Variants in GARNL3 observed in about 807,000 individuals in gnomAD.
GARNL3 encodes the protein GTPase-activating Rap/Ran-GAP domain-like protein 3.
GARNL3 carries 63 observed loss-of-function variants against 125.0 expected under a neutral mutation model. The observed-to-expected ratio is 0.50, with a 90% CI of 0.41 to 0.62. GARNL3 has a LOEUF of 0.62. GARNL3 is among the 20% of genes least tolerant of loss of function. The pLI is 0.00. For synonymous variants in GARNL3, 439 were observed against 457.5 expected, an observed-to-expected ratio of 0.96 and a Z score of 0.52; for missense variants, 994 against 1,244.0, an observed-to-expected ratio of 0.80 and a Z score of 3.02.
chr9:127,345,625 G>C, intron 16 of GARNL3, 148 bp downstream of exon 16: 1 of 534,888 alleles, frequency 1.9e-6, no homozygotes, highest in Non-Finnish European at 3.3e-6. Context: ...ATAAAACTGA[G>C]TGGCCATTTA....
chr9:127,376,379 C>T (rs950110405), intron 22 of GARNL3, among the ~76,000 whole-genome samples: 5 of 151,996 alleles, frequency 3.3e-5, no homozygotes, highest in African/African-American at 7.2e-5. Context: ...CCACCTTGCC[C>T]GGCTAATTTT....
chr9:127,310,781 A>G (rs1226092638), intron 2 of GARNL3, among the ~76,000 whole-genome samples: 1 of 151,800 alleles, frequency 6.6e-6, no homozygotes, highest in East Asian at 1.9e-4. Flanking sequence ...CTCAAAAAAA[A>G]AAAAAAAAAA....
At chr9:127,316,363 G>A (rs1040872806) in intron 4 of GARNL3, among the ~76,000 whole-genome samples, 1 of 152,030 alleles carries the variant, frequency 6.6e-6, no homozygotes, top group East Asian at 1.9e-4. Flanking sequence ...GCAACATAGT[G>A]AGACCCTGCC....
At chr9:127,313,030 C>T (rs2065137436) in intron 3 of GARNL3, among the ~76,000 whole-genome samples, 1 of 152,154 alleles carries the variant, frequency 6.6e-6, no homozygotes, top group Non-Finnish European at 1.5e-5. Flanking sequence ...AGGCCTTTTC[C>T]GTTTTTCTGC....
At chr9:127,232,255 T>C (rs562817022) in intron 1 of GARNL3, among the ~76,000 whole-genome samples, 16 of 152,300 alleles carry the variant, frequency 1.1e-4, no homozygotes, top group Admixed American at 9.1e-4. Flanking sequence ...GTAATCACCA[T>C]TGAACCCTTC....
intron 3 of GARNL3, 112 bp from the exon 4 acceptor site, chr9:127,313,329 T>A (rs2065145078): frequency 2.6e-6 from 2 of 780,848 alleles, no homozygotes; most frequent in African/African-American, 3.4e-5. Context: ...GGCTTTGGGA[T>A]TATTGTTCCC....
chr9:127,299,126 C>A (rs917123505), intron 2 of GARNL3, among the ~76,000 whole-genome samples: 1 of 152,090 alleles, frequency 6.6e-6, no homozygotes, highest in South Asian at 2.1e-4. Context: ...ACCATCCTGG[C>A]TAACATGGTG....
chr9:127,379,612 T>A (rs1007984972), intron 22 of GARNL3, among the ~76,000 whole-genome samples: 1 of 152,054 alleles, frequency 6.6e-6, no homozygotes, highest in Non-Finnish European at 1.5e-5. Context: ...GAATAATGAG[T>A]TCTTGATTGT....
chr9:127,323,751 AC>A (rs10708036), intron 6 of GARNL3, among the ~76,000 whole-genome samples: 81,479 of 151,442 alleles, frequency 0.54, 23,232 homozygotes, highest in East Asian at 0.78. Context: ...ATTAAACTGC[AC>A]CCCCCCATAA....
chr9:127,348,891 C>A, intron 16 of GARNL3, 33 bp from the exon 17 acceptor site: 1 of 1,436,390 alleles, frequency 7.0e-7, no homozygotes, highest in Non-Finnish European at 9.7e-7. Flanking sequence ...TTTTCTGGTG[C>A]ACTTATCTTC....
At chr9:127,346,547 T>C (rs372059912) in intron 16 of GARNL3, among the ~76,000 whole-genome samples, 1 of 152,224 alleles carries the variant, frequency 6.6e-6, no homozygotes, top group African/African-American at 2.4e-5. Context: ...ACGTTATAGA[T>C]ACCAGATTCC....
At chr9:127,226,427 C>T (rs1267662785) in intron 1 of GARNL3, among the ~76,000 whole-genome samples, 1 of 152,190 alleles carries the variant, frequency 6.6e-6, no homozygotes, top group Non-Finnish European at 1.5e-5. Context: ...ATAAGCATCG[C>T]GGGGGCAGAG....
At chr9:127,296,953 G>A (rs2064617193) in intron 2 of GARNL3, among the ~76,000 whole-genome samples, 1 of 151,988 alleles carries the variant, frequency 6.6e-6, no homozygotes, top group Non-Finnish European at 1.5e-5. Context: ...CCCCTCCTTA[G>A]AACAAAAGAT....
intron 22 of GARNL3, among the ~76,000 whole-genome samples, chr9:127,374,229 A>T (rs1831764631): frequency 6.6e-6 from 1 of 152,158 alleles, no homozygotes; most frequent in Non-Finnish European, 1.5e-5. Flanking sequence ...TGAACCCAGG[A>T]GGCGGAGGCT....
At chr9:127,353,566 G>T in intron 17 of GARNL3, 1 of 275,146 alleles carries the variant, frequency 3.6e-6, no homozygotes, top group Non-Finnish European at 6.8e-6. Flanking sequence ...CTTTTTCTTT[G>T]ATGAACAAAA....
At chr9:127,371,005 C>T (rs892449485) in intron 22 of GARNL3, among the ~76,000 whole-genome samples, 23 of 152,328 alleles carry the variant, frequency 1.5e-4, no homozygotes, top group African/African-American at 4.8e-4. Flanking sequence ...GATCTTTCCT[C>T]CTCACATGTG....
intron 2 of GARNL3, among the ~76,000 whole-genome samples, chr9:127,295,617 A>G (rs911391411): frequency 1.3e-5 from 2 of 152,158 alleles, no homozygotes; most frequent in South Asian, 2.1e-4. Context: ...CAGATTACCT[A>G]CATTCCACAT....
chr9:127,383,875 G>A (rs1438153050), intron 23 of GARNL3, among the ~76,000 whole-genome samples: 1 of 152,158 alleles, frequency 6.6e-6, no homozygotes, highest in Non-Finnish European at 1.5e-5. Context: ...AAATTCAAGT[G>A]TAAGGTCTCC....
chr9:127,380,200 ATGTGTGTGTGTGTGTGTG>A (rs55906930), intron 22 of GARNL3, among the ~76,000 whole-genome samples: 120 of 141,748 alleles, frequency 8.5e-4, no homozygotes, highest in African/African-American at 3.0e-3. Context: ...CTCAAAAAAT[ATGTGTGTGTGTGTGTGTG>A]TGTGTGTGTG....
Sources: allele counts gnomAD v4.1 joint callset (sites outside exome capture counted in the v4.1 genomes callset), GRCh38; gene constraint gnomAD v4.1.1; transcripts MANE v1.5; gene names NCBI Gene and HGNC (gene_info 2026-07-23, HGNC 2026-07-21).